CYFIP1: variants seen among roughly 807,000 people sequenced by gnomAD.
CYFIP1 encodes the protein cytoplasmic FMR1-interacting protein 1.
A neutral mutation model predicts 163.5 loss-of-function variants in CYFIP1; 58 were observed. The ratio of observed to expected loss-of-function variants is 0.35; its 90% CI spans 0.29 to 0.44. The LOEUF (loss-of-function observed/expected upper bound fraction) is 0.44. CYFIP1 is among the 20% of genes least tolerant of loss of function. CYFIP1 has a pLI of 1.00. For synonymous variants in CYFIP1, 663 were observed against 660.7 expected, an observed-to-expected ratio of 1.00 and a Z score of -0.05; for missense variants, 1,338 against 1,653.8, an observed-to-expected ratio of 0.81 and a Z score of 3.31.
intron 25 of CYFIP1, among the ~76,000 whole-genome samples, chr15:22,880,620 T>C (rs575285185): frequency 9.2e-5 from 14 of 152,152 alleles, no homozygotes; most frequent in African/African-American, 3.4e-4. Flanking sequence ...CAGCTTCAAC[T>C]CCAGCCCAGA....
chr15:22,945,203 C>T lies in CYFIP1; in HGVS notation c.208-264G>A, dbSNP rs538267715. Among the ~76,000 whole-genome samples, 41 of 152,286 alleles carry T rather than the reference C, an allele frequency of 2.7e-4. No homozygotes were observed. In the South Asian group the frequency reaches 8.3e-3, roughly 31 times the overall value. ...TCTGAGGGGTGCCACAGGCGTTACA[C>T]CTTGGCTCCACCCAGCCCTCAACAA... On this transcript the variant is annotated intron_variant, in intron 3 of 30. Coordinates refer to ENST00000617928, the MANE Select transcript of CYFIP1 (RefSeq NM_014608.6).
chr15:22,897,821 G>C (rs2060283442), intron 22 of CYFIP1, among the ~76,000 whole-genome samples: 1 of 152,192 alleles, frequency 6.6e-6, no homozygotes, highest in Admixed American at 6.5e-5. Context: ...TAGGAACTCA[G>C]AAGCCTCCTG....
At position 22,944,678 on chromosome 15, in the gene CYFIP1, G is replaced by A; in HGVS notation, c.286-19C>T. On this transcript the variant is annotated intron_variant, in intron 4 of 30. Coordinates refer to ENST00000617928, the MANE Select transcript of CYFIP1 (RefSeq NM_014608.6). ...ATTTCACCTGGGAATAAAGGAACAA[G>A]GATGACATAAGAGGCTTTGATCCAG... 1 of 1,603,578 alleles carries A rather than the reference G, an allele frequency of 6.2e-7. No homozygotes were observed. The highest frequency in any genetic ancestry group is 1.3e-5 in the African/African-American group (1 of 74,868).
At chr15:22,959,250 G>A (rs1281027971) in intron 1 of CYFIP1, among the ~76,000 whole-genome samples, 2 of 152,126 alleles carry the variant, frequency 1.3e-5, no homozygotes, top group African/African-American at 4.8e-5. Context: ...CTCGACGACG[G>A]CCATTCCTTC....
In CYFIP1 at chr15:22,937,119, G is replaced by A. The variant is rs751040261; in HGVS notation, c.885C>T (p.Ile295=). ...TGTAACTCACCTTGAAGTACTTGTC[G>A]ATTTTGGATAAGTTTATTCTTTTCT... ...DAKKRINLSK[I]DKYFKQLQVV... Residue 295 remains isoleucine, a synonymous_variant, in exon 9 of 31, where the codon ATC becomes ATT. Coordinates refer to ENST00000617928, the MANE Select transcript of CYFIP1 (RefSeq NM_014608.6). 8.7e-6 allele frequency: 14 copies of A among 1,606,102 alleles called. No individual in the cohort carries two copies. The highest frequency in any genetic ancestry group is 3.3e-5 in the Admixed American group (2 of 59,974).
intron 26 of CYFIP1, among the ~76,000 whole-genome samples, chr15:22,877,841 T>C (rs149326270): frequency 4.2e-4 from 64 of 152,346 alleles, no homozygotes; most frequent in African/African-American, 1.5e-3. Context: ...GAGCCGAAGA[T>C]GCAGGTCTGA....
chr15:22,961,558 T>C (rs2140198180), intron 1 of CYFIP1, among the ~76,000 whole-genome samples: 1 of 152,076 alleles, frequency 6.6e-6, no homozygotes, highest in South Asian at 2.1e-4. Context: ...TTTTTGATTT[T>C]TTGTAGAGAC....
At chr15:22,878,220 G>A (rs1352479873) in intron 26 of CYFIP1, among the ~76,000 whole-genome samples, 3 of 152,220 alleles carry the variant, frequency 2.0e-5, no homozygotes, top group Admixed American at 6.5e-5. Context: ...AGAGCAGAGA[G>A]CCCTGGGGAG....
intron 30 of CYFIP1, among the ~76,000 whole-genome samples, chr15:22,871,995 T>C (rs1041043993): frequency 2.6e-5 from 4 of 152,056 alleles, no homozygotes; most frequent in African/African-American, 4.8e-5. Flanking sequence ...ATGGAAGCAA[T>C]AGAAAACTAA....
chr15:22,911,207 A>G (rs1056807036), intron 18 of CYFIP1, among the ~76,000 whole-genome samples: 2 of 152,120 alleles, frequency 1.3e-5, no homozygotes, highest in Non-Finnish European at 2.9e-5. Flanking sequence ...GAAACTAGCA[A>G]TAATCTTACT....
chr15:22,974,129 A>G (rs1360345487), intron 1 of CYFIP1, among the ~76,000 whole-genome samples: 1 of 152,206 alleles, frequency 6.6e-6, no homozygotes, highest in Non-Finnish European at 1.5e-5. Context: ...GTTCCTCAAA[A>G]TATTAAAAAT....
intron 17 of CYFIP1, among the ~76,000 whole-genome samples, chr15:22,913,527 C>CA (rs35228444): frequency 0.28 from 2,879 of 10,204 alleles, 721 homozygotes; most frequent in African/African-American, 0.35. Flanking sequence ...GGCTCTGTCT[C>CA]AAAAAAAAAA....
intron 11 of CYFIP1, among the ~76,000 whole-genome samples, chr15:22,931,689 A>AAAAAAG (rs2061541716): frequency 7.1e-6 from 1 of 140,434 alleles, no homozygotes. Context: ...TTTTTCTGAA[A>AAAAAAG]AAAAAAAAAA....
intron 17 of CYFIP1, 75 bp downstream of exon 17, chr15:22,914,651 G>T (rs369935806): frequency 1.4e-6 from 2 of 1,455,308 alleles, no homozygotes; most frequent in African/African-American, 2.9e-5. Context: ...AACAGTCCCG[G>T]CCTCTCCGCC....
At chr15:22,877,024 T>A (rs1477941343) in intron 26 of CYFIP1, among the ~76,000 whole-genome samples, 1 of 152,052 alleles carries the variant, frequency 6.6e-6, no homozygotes, top group Non-Finnish European at 1.5e-5. Flanking sequence ...CAGACAGGCA[T>A]CCTCAGGCTT....
intron 22 of CYFIP1, among the ~76,000 whole-genome samples, chr15:22,896,495 G>A (rs1171712875): frequency 6.6e-6 from 1 of 151,858 alleles, no homozygotes; most frequent in Non-Finnish European, 1.5e-5. Context: ...TCAGTTTGCT[G>A]AGGCCCTTCT....
At position 22,867,330 on chromosome 15, in the gene CYFIP1, T is replaced by C. The variant is rs767238367; in HGVS notation, c.*2698A>G. The C allele has an allele frequency of 1.4e-4, 56 of 396,982 alleles. No homozygotes were observed. Among genetic ancestry groups the C allele is most frequent in the Non-Finnish European group, 2.0e-4 (46 of 225,328 alleles). The allele number at this position is 396,982 out of a possible 1,614,324, so 24.6% of individuals were successfully genotyped here. ...TGTTTGATGATGATTGGTTTTATTT[T>C]TGAAATATTTATTAAGGGAAAACTA... On this transcript the variant is annotated 3_prime_UTR_variant, in exon 31 of 31. Transcript: ENST00000617928.
At chr15:22,877,448 T>C (rs1047768986) in intron 26 of CYFIP1, among the ~76,000 whole-genome samples, 2 of 152,168 alleles carry the variant, frequency 1.3e-5, no homozygotes, top group Admixed American at 6.5e-5. Flanking sequence ...GCAGATGAGA[T>C]AGGGCGCGCC....
chr15:22,939,111 A>G, intron 8 of CYFIP1, 81 bp downstream of exon 8: 1 of 1,556,584 alleles, frequency 6.4e-7, no homozygotes, highest in Non-Finnish European at 8.8e-7. Context: ...TGTCAAAAGG[A>G]TTCTAGATAA....
Sources: gnomAD v4.1 joint callset for allele counts (sites outside exome capture counted in the v4.1 genomes callset) on GRCh38, gnomAD v4.1.1 for gene constraint, MANE v1.5 for transcripts, NCBI Gene and HGNC (gene_info 2026-07-23, HGNC 2026-07-21) for gene names.